The following PIN4 variants were observed in gnomAD, a reference collection of about 807,000 sequenced individuals.
PIN4 encodes the protein peptidylprolyl cis/trans isomerase, NIMA-interacting 4.
A neutral mutation model predicts 8.3 loss-of-function variants in PIN4; 3 were observed. That is an observed-to-expected ratio of 0.36 (90% confidence interval 0.16 to 0.93). The LOEUF (loss-of-function observed/expected upper bound fraction) is 0.93, where lower values mean the gene tolerates loss of function less well. Ranked by LOEUF, PIN4 falls within the 40% of genes least tolerant of loss-of-function variation. The pLI is 0.44. For synonymous variants in PIN4, 18 were observed against 32.5 expected, an observed-to-expected ratio of 0.55 and a Z score of 1.52; for missense variants, 75 against 100.6, an observed-to-expected ratio of 0.75 and a Z score of 1.09.
At chrX:72,185,327 A>T (rs1307726173) in intron 1 of PIN4, among the ~76,000 whole-genome samples, 2 of 109,181 alleles carry the variant, frequency 1.8e-5, no homozygotes, top group Admixed American at 2.0e-4. Flanking sequence ...TTTCTTACAC[A>T]TACCATGTCG....
rs200073614 is a variant in PIN4 at position 72,207,740 on chromosome X, C to G, written c.312+10836C>G. ...TCTGGATTCTTTTCATTAAGTCTGG[C>G]CTCTGGGTTGCTTGACTTTTTCTTC... On this transcript the variant is annotated intron_variant, in intron 3 of 3. Transcript: ENST00000423432. 109 of 1,209,659 alleles carry G rather than the reference C, an allele frequency of 9.0e-5. No homozygotes were observed. The highest frequency in any genetic ancestry group is 6.9e-4 in the Middle Eastern group (3 of 4,376).
At chrX:72,203,214 G>T (rs188346800), downstream of PIN4, among the ~76,000 whole-genome samples, 1 of 111,921 alleles carries the variant, frequency 8.9e-6, no homozygotes, top group Non-Finnish European at 1.9e-5. Flanking sequence ...GGGCATGGAC[G>T]CTTAATGCAC....
At chrX:72,233,053 C>G (rs1467922017) in intron 3 of PIN4, among the ~76,000 whole-genome samples, 1 of 111,461 alleles carries the variant, frequency 9.0e-6, no homozygotes, top group Non-Finnish European at 1.9e-5. Flanking sequence ...ACTTCCTCAT[C>G]ATAAGGGGGA....
chrX:72,241,033 C>T (rs1028133393), intron 3 of PIN4, among the ~76,000 whole-genome samples: 1 of 110,883 alleles, frequency 9.0e-6, no homozygotes, highest in South Asian at 3.9e-4. Context: ...AAATCTGTGC[C>T]GTTTCGCTGT....
chrX:72,203,833 G>A (rs1365374929), intron 3 of PIN4, among the ~76,000 whole-genome samples: 1 of 111,769 alleles, frequency 8.9e-6, no homozygotes, highest in Admixed American at 9.5e-5. Context: ...CACATAGTAC[G>A]TCATCAAGGA....
chrX:72,190,940 G>A (rs1270358614), intron 2 of PIN4, among the ~76,000 whole-genome samples: 17 of 100,742 alleles, frequency 1.7e-4, no homozygotes, highest in African/African-American at 6.0e-4. Flanking sequence ...GCAACAGAGC[G>A]AGACTCCATC....
At chrX:72,206,634 C>T (rs1383698800) in intron 3 of PIN4, 2 of 1,211,418 alleles carry the variant, frequency 1.7e-6, no homozygotes, top group South Asian at 3.5e-5. Context: ...TATTTTGAGA[C>T]TCGAATTCAA....
intron 3 of PIN4, among the ~76,000 whole-genome samples, chrX:72,249,603 A>G (rs949951513): frequency 1.8e-5 from 2 of 111,837 alleles, no homozygotes; most frequent in Non-Finnish European, 3.8e-5. Context: ...AAAGAAATGA[A>G]CTACTGATCC....
At chrX:72,233,187 T>C (rs2042995548) in intron 3 of PIN4, among the ~76,000 whole-genome samples, 1 of 111,619 alleles carries the variant, frequency 9.0e-6, no homozygotes. Flanking sequence ...ACAATATAGC[T>C]ACACAGCCTT....
intron 3 of PIN4, chrX:72,238,974 A>G: frequency 9.6e-7 from 1 of 1,040,691 alleles, no homozygotes; most frequent in Non-Finnish European, 1.3e-6. Flanking sequence ...TGGAGCTTGG[A>G]GCTTGGAGCT....
chrX:72,197,826 A>G lies in PIN4; in HGVS notation c.*300A>G, dbSNP rs192028442. On this transcript the variant is annotated 3_prime_UTR_variant, in exon 4 of 4. Transcript: ENST00000373669. The stretch of plus-strand genomic sequence containing the variant: ...CTATATCTGACTCTCAGTCTGTCCC[A>G]TAAATTAATTCAGAAACCATCTTCA... The G allele has an allele frequency of 9.2e-5, 72 of 784,482 alleles. No homozygotes were observed. The highest frequency in any genetic ancestry group is 1.3e-4 in the South Asian group (2 of 15,795). 64.7% of individuals were successfully genotyped at this position (784,482 alleles called of 1,213,427 possible).
intron 3 of PIN4, among the ~76,000 whole-genome samples, chrX:72,256,669 G>GA (rs976967066): frequency 4.5e-5 from 5 of 111,084 alleles, no homozygotes; most frequent in African/African-American, 6.5e-5. Context: ...TCAAAAGGGA[G>GA]AAAAAAAACA....
chrX:72,251,418 T>C (rs1400117477), intron 3 of PIN4, among the ~76,000 whole-genome samples: 4 of 108,872 alleles, frequency 3.7e-5, no homozygotes, highest in African/African-American at 1.4e-4. Flanking sequence ...AAAATTGGAA[T>C]TGTTGGGTCA....
intron 2 of PIN4, among the ~76,000 whole-genome samples, chrX:72,186,856 G>A (rs757719366): frequency 2.7e-5 from 3 of 111,573 alleles, no homozygotes; most frequent in South Asian, 3.7e-4. Flanking sequence ...GAACCAGGAG[G>A]CTGAGGTTGC....
In PIN4 at chrX:72,250,743, T is replaced by G. The variant is rs750060758; in HGVS notation, c.313-11964T>G. On this transcript the variant is annotated intron_variant, in intron 3 of 3. Transcript: ENST00000423432. Reference sequence around the variant, plus strand: ...TAAATATTCTGGTATATGGTTTTTTTTTTTTTTTTTTTTTGAGAGGGAGTC... The same window carrying G: ...TAAATATTCTGGTATATGGTTTTTTGTTTTTTTTTTTTTTGAGAGGGAGTC... Among the ~76,000 whole-genome samples the G allele has an allele frequency of 2.7e-3, 263 of 97,689 alleles. 4 individuals carry two copies. The highest frequency in any genetic ancestry group is 9.6e-3 in the African/African-American group (256 of 26,541). 84.8% of individuals were successfully genotyped at this position (97,689 alleles called of 115,157 possible). A position where few individuals can be genotyped will look rare whatever the true frequency, so the allele number is the denominator to read the frequency against.
At position 72,208,603 on chromosome X, in the gene PIN4, T is replaced by C. The variant is rs754693469; in HGVS notation, c.312+11699T>C. 3.3e-6 allele frequency: 4 copies of C among 1,209,928 alleles called. No individual in the cohort carries two copies. Among genetic ancestry groups the C allele is most frequent in the Non-Finnish European group, 4.5e-6 (4 of 895,180 alleles). ...TATTTTTTGGATTCTGCTCAGCACTTTTTCATTGGGAAAAATGTCCTTTGC... is the reference window on the plus strand; with the variant it reads ...TATTTTTTGGATTCTGCTCAGCACTCTTTCATTGGGAAAAATGTCCTTTGC... On this transcript the variant is annotated intron_variant, in intron 3 of 3. Coordinates refer to the PIN4 transcript ENST00000423432.
At chrX:72,215,176 G>A (rs1341172403) in intron 3 of PIN4, among the ~76,000 whole-genome samples, 1 of 111,815 alleles carries the variant, frequency 8.9e-6, no homozygotes, top group Non-Finnish European at 1.9e-5. Flanking sequence ...TTCTAAAATA[G>A]GCAAAACTAA....
In PIN4 at chrX:72,198,288, A is replaced by G; in HGVS notation, c.*762A>G. On this transcript the variant is annotated 3_prime_UTR_variant, in exon 4 of 4. Transcript: ENST00000373669. ...ATTTATGACATATAAAAAAGTATAAAGATTACTAATATAAATACTATACTG... is the reference window on the plus strand; with the variant it reads ...ATTTATGACATATAAAAAAGTATAAGGATTACTAATATAAATACTATACTG... 1 of 709,163 alleles carries G rather than the reference A, an allele frequency of 1.4e-6. No homozygotes were observed. Among genetic ancestry groups the G allele is most frequent in the Non-Finnish European group, 1.7e-6 (1 of 597,765 alleles). The allele number at this position is 709,163 out of a possible 1,213,427, so 58.4% of individuals were successfully genotyped here.
intron 3 of PIN4, among the ~76,000 whole-genome samples, chrX:72,220,393 C>T (rs531945738): frequency 8.1e-5 from 9 of 111,682 alleles, no homozygotes; most frequent in East Asian, 5.6e-4. Context: ...CCTCATTCAG[C>T]GGGAGCATCG....
Sources: allele counts gnomAD v4.1 joint callset (sites outside exome capture counted in the v4.1 genomes callset), GRCh38; gene constraint gnomAD v4.1.1; transcripts MANE v1.5; gene names NCBI Gene and HGNC (gene_info 2026-07-23, HGNC 2026-07-21).